AREL1: variants seen among roughly 807,000 people sequenced by gnomAD.
AREL1 encodes the protein apoptosis resistant E3 ubiquitin protein ligase 1.
AREL1 carries 62 observed loss-of-function variants against 99.0 expected under a neutral mutation model. The observed-to-expected ratio is 0.63, with a 90% CI of 0.51 to 0.77. The LOEUF (loss-of-function observed/expected upper bound fraction) is 0.77, where lower values mean the gene tolerates loss of function less well. Ranked by LOEUF, AREL1 falls within the 30% of genes least tolerant of loss-of-function variation. The pLI, the probability that AREL1 is intolerant of heterozygous loss-of-function variation, is 0.00. For synonymous variants in AREL1, 380 were observed against 376.5 expected, an observed-to-expected ratio of 1.01 and a Z score of -0.11; for missense variants, 879 against 1,027.6, an observed-to-expected ratio of 0.86 and a Z score of 1.98.
At chr14:74,707,516 C>A (rs1470906440) in intron 1 of AREL1, among the ~76,000 whole-genome samples, 1 of 151,046 alleles carries the variant, frequency 6.6e-6, no homozygotes, top group Non-Finnish European at 1.5e-5. Flanking sequence ...CAAAAAATGG[C>A]CGGGCACAGT....
chr14:74,683,235 C>T (rs2089671946), intron 5 of AREL1, 61 bp downstream of exon 5: 2 of 1,198,094 alleles, frequency 1.7e-6, no homozygotes, highest in Admixed American at 2.1e-5. Flanking sequence ...AAAGGAAAGA[C>T]AGGATGGAAA....
intron 5 of AREL1, 73 bp downstream of exon 5, chr14:74,683,223 A>T: frequency 9.1e-7 from 1 of 1,097,356 alleles, no homozygotes; most frequent in Middle Eastern, 2.2e-4. Context: ...TATTATTTTT[A>T]AAAAGGAAAG....
Position 74,676,132 on chromosome 14 carries a change from T to C in AREL1, c.832+9A>G. The C allele has an allele frequency of 6.2e-7, 1 of 1,611,344 alleles. No individual in the cohort carries two copies. ...AACAGCACTAAATCATACTTTTCTT[T>C]TAACTTACCACTTAGGACAATAATG... On this transcript the variant is annotated intron_variant, in intron 7 of 19. Transcript: ENST00000356357.
intron 5 of AREL1, among the ~76,000 whole-genome samples, chr14:74,680,461 T>C (rs1217987870): frequency 2.0e-5 from 3 of 152,184 alleles, no homozygotes; most frequent in Non-Finnish European, 4.4e-5. Context: ...CTGGTGGGAA[T>C]GTAAAATGCT....
intron 2 of AREL1, 50 bp from the exon 3 acceptor site, chr14:74,685,710 C>G (rs2089733710): frequency 1.3e-6 from 2 of 1,522,834 alleles, no homozygotes; most frequent in African/African-American, 1.4e-5. Flanking sequence ...TGCCTCATAG[C>G]TATCTCAGAG....
chr14:74,683,544 G>T lies in AREL1; in HGVS notation c.244-11C>A. Reference sequence around the variant, plus strand: ...GTTCTTATAGAATAACTGCCATGGGGAGAAGAAGGACACCTGTTAGCAAGC... The same window carrying T: ...GTTCTTATAGAATAACTGCCATGGGTAGAAGAAGGACACCTGTTAGCAAGC... On this transcript the variant is annotated splice_polypyrimidine_tract_variant and intron_variant, in intron 4 of 19. Transcript: ENST00000356357. 1.2e-6 allele frequency: 2 copies of T among 1,612,024 alleles called. No homozygotes were observed. The highest frequency in any genetic ancestry group is 1.7e-6 in the Non-Finnish European group (2 of 1,178,182).
At position 74,661,488 on chromosome 14, in the gene AREL1, A is replaced by C. The variant is rs761088391; in HGVS notation, c.*2232T>G. The stretch of plus-strand genomic sequence containing the variant: ...GTACCTGGGTCACAAGGACATAAAT[A>C]AAAGAACTGGCCAAAATAAGAAACA... On this transcript the variant is annotated 3_prime_UTR_variant, in exon 20 of 20. Coordinates refer to ENST00000356357, the MANE Select transcript of AREL1 (RefSeq NM_001039479.2). The C allele has an allele frequency of 4.0e-5, 12 of 298,190 alleles. No individual in the cohort carries two copies. The highest frequency in any genetic ancestry group is 6.7e-5 in the African/African-American group (3 of 44,678). 18.5% of individuals were successfully genotyped at this position (298,190 alleles called of 1,614,324 possible). A position where few individuals can be genotyped will look rare whatever the true frequency, so the allele number is the denominator to read the frequency against.
intron 1 of AREL1, among the ~76,000 whole-genome samples, chr14:74,707,742 C>T (rs1454346968): frequency 4.1e-5 from 6 of 146,060 alleles, no homozygotes; most frequent in African/African-American, 1.5e-4. Flanking sequence ...TGCAGTGAGC[C>T]GAGATCGCGC....
intron 5 of AREL1, among the ~76,000 whole-genome samples, chr14:74,680,708 A>C (rs1348216356): frequency 6.6e-6 from 1 of 152,226 alleles, no homozygotes; most frequent in African/African-American, 2.4e-5. Flanking sequence ...TACGTAGAGA[A>C]TCCCTAATCC....
chr14:74,679,502 T>C (rs2089578453), intron 5 of AREL1, among the ~76,000 whole-genome samples: 1 of 152,108 alleles, frequency 6.6e-6, no homozygotes, highest in African/African-American at 2.4e-5. Context: ...GCATATAGAA[T>C]ATATACAGAA....
intron 18 of AREL1, 79 bp downstream of exon 18, chr14:74,664,757 C>A (rs2089174313): frequency 3.9e-6 from 5 of 1,268,250 alleles, no homozygotes; most frequent in South Asian, 2.5e-5. Flanking sequence ...CTGCGCCCGG[C>A]CTCCTCTACT....
At chr14:74,703,265 G>A (rs1021752382) in intron 1 of AREL1, among the ~76,000 whole-genome samples, 16 of 152,204 alleles carry the variant, frequency 1.1e-4, no homozygotes, top group African/African-American at 3.6e-4. Context: ...CATGTCTTAC[G>A]TGGCAGCAGG....
intron 5 of AREL1, among the ~76,000 whole-genome samples, chr14:74,680,795 T>A (rs1397747213): frequency 3.9e-5 from 6 of 152,322 alleles, no homozygotes; most frequent in African/African-American, 1.2e-4. Context: ...AAATGCTCAC[T>A]GAAGCATTTA....
chr14:74,698,938 C>G (rs1329412074), intron 1 of AREL1: 1 of 155,928 alleles, frequency 6.4e-6, no homozygotes, highest in African/African-American at 2.4e-5. Flanking sequence ...GTGGGAGGAT[C>G]ATTTGAGCCC....
At chr14:74,704,706 C>T (rs2090144853) in intron 1 of AREL1, among the ~76,000 whole-genome samples, 2 of 152,160 alleles carry the variant, frequency 1.3e-5, no homozygotes, top group African/African-American at 4.8e-5. Flanking sequence ...TGGCTTGCCT[C>T]TTCATTTTCT....
At chr14:74,685,789 CCT>C (rs1308685555) in intron 2 of AREL1, 129 bp from the exon 3 acceptor site, 1 of 722,886 alleles carries the variant, frequency 1.4e-6, no homozygotes, top group African/African-American at 1.8e-5. Context: ...CTATTCCTAT[CCT>C]CTTTCTAGCT....
intron 17 of AREL1, among the ~76,000 whole-genome samples, 173 bp downstream of exon 17, chr14:74,667,132 ACTAATTTTCACATT>A (rs1305779828): frequency 2.0e-5 from 3 of 152,150 alleles, no homozygotes; most frequent in Admixed American, 1.3e-4. Flanking sequence ...ACTCTTTGCT[ACTAATTTTCACATT>A]CTAATTTTTT....
intron 5 of AREL1, among the ~76,000 whole-genome samples, chr14:74,679,148 C>T (rs2089568664): frequency 6.6e-6 from 1 of 152,194 alleles, no homozygotes; most frequent in Non-Finnish European, 1.5e-5. Flanking sequence ...GATTCTCCCA[C>T]CTCAGAAAGT....
chr14:74,676,476 A>G, intron 6 of AREL1, 107 bp downstream of exon 6: 1 of 1,443,928 alleles, frequency 6.9e-7, no homozygotes, highest in East Asian at 2.3e-5. Context: ...CAGACAGCAC[A>G]GAAGTCAAGG....
Sources: gnomAD v4.1 joint callset for allele counts (sites outside exome capture counted in the v4.1 genomes callset) on GRCh38, gnomAD v4.1.1 for gene constraint, MANE v1.5 for transcripts, NCBI Gene and HGNC (gene_info 2026-07-23, HGNC 2026-07-21) for gene names.